NAV2: variants seen among roughly 807,000 people sequenced by gnomAD.
NAV2 encodes helicase, APC down-regulated 1.
Under a neutral mutation model 223.2 loss-of-function variants are expected in NAV2, and 54 were observed. The observed-to-expected ratio is 0.24, with a 90% confidence interval of 0.19 to 0.30. The LOEUF is 0.30. NAV2 is among the 10% of genes least tolerant of loss of function. The pLI, the probability that NAV2 is intolerant of heterozygous loss-of-function variation, is 1.00. For missense variants in NAV2, 2,806 were observed against 3,147.5 expected, an observed-to-expected ratio of 0.89 and a Z score of 2.60; for synonymous variants, 1,279 against 1,239.3, an observed-to-expected ratio of 1.03 and a Z score of -0.67.
rs11267537 is a variant in NAV2, at chr11:20,106,175, A to ATATATATATATATGTGTGTGTG, written c.6841+449_6841+450insATATATATATATGTGTGTGTGT. 3.6e-4 allele frequency among the ~76,000 whole-genome samples: 13 copies of ATATATATATATATGTGTGTGTG among 35,828 alleles called. 1 individual carries two copies. The East Asian group carries it at 0.012, about 32-fold the overall frequency. The allele number at this position is 35,828 out of a possible 152,430, so 23.5% of individuals were successfully genotyped here. ...TGTGTGTATATATATATATATATAT[A>ATATATATATATATGTGTGTGTG]TGTGTGTGTATATATATATATATAT... On this transcript the variant is annotated intron_variant, in intron 35 of 37. Coordinates refer to ENST00000349880, the MANE Select transcript of NAV2 (RefSeq NM_145117.5).
intron 1 of NAV2, among the ~76,000 whole-genome samples, chr11:19,751,077 T>C (rs189623263): frequency 1.3e-5 from 2 of 152,280 alleles, no homozygotes; most frequent in African/African-American, 2.4e-5. Context: ...AAATAGACTA[T>C]AGCAAGAGTA....
chr11:20,060,056 A>C (rs1019960670), intron 19 of NAV2, among the ~76,000 whole-genome samples: 4 of 152,256 alleles, frequency 2.6e-5, no homozygotes, highest in Admixed American at 6.5e-5. Flanking sequence ...ATTATTGAGA[A>C]AAATAATTAC....
intron 1 of NAV2, among the ~76,000 whole-genome samples, chr11:19,793,675 A>G (rs1469139879): frequency 2.0e-5 from 3 of 151,020 alleles, no homozygotes; most frequent in Non-Finnish European, 4.4e-5. Context: ...CTTAAATCAG[A>G]TTGTGTCGTG....
intron 11 of NAV2, among the ~76,000 whole-genome samples, chr11:20,014,597 ATT>A (rs534845415): frequency 1.3e-5 from 2 of 152,182 alleles, no homozygotes; most frequent in Non-Finnish European, 2.9e-5. Context: ...TCTACAAAAA[ATT>A]TTAAAAGTTA....
chr11:19,760,495 C>T (rs1480232961), intron 1 of NAV2, among the ~76,000 whole-genome samples: 3 of 152,210 alleles, frequency 2.0e-5, no homozygotes, highest in Admixed American at 1.3e-4. Flanking sequence ...ACCATCGACT[C>T]ACAAGCTCTG....
chr11:19,665,572 T>A (rs1365977699), intron 1 of NAV2, among the ~76,000 whole-genome samples: 2 of 152,202 alleles, frequency 1.3e-5, no homozygotes, highest in Admixed American at 1.3e-4. Flanking sequence ...GTGTTGCTAG[T>A]ATTAAACTCA....
chr11:19,485,081 CT>C (rs1161123816), intron 1 of NAV2, among the ~76,000 whole-genome samples: 1 of 152,128 alleles, frequency 6.6e-6, no homozygotes, highest in African/African-American at 2.4e-5. Context: ...CATTCCCCAC[CT>C]TGGCCTTGCC....
intron 1 of NAV2, among the ~76,000 whole-genome samples, chr11:19,817,542 G>A (rs1016516903): frequency 3.3e-5 from 5 of 152,134 alleles, no homozygotes; most frequent in African/African-American, 1.2e-4. Context: ...TGAGGTCCGA[G>A]TTGGGGGAGG....
chr11:20,070,182 G>A (rs541981375), intron 22 of NAV2, among the ~76,000 whole-genome samples: 3 of 152,240 alleles, frequency 2.0e-5, no homozygotes, highest in East Asian at 1.9e-4. Flanking sequence ...GTTCTATCCC[G>A]TGGGCAGATT....
chr11:20,098,838 C>T (rs890886482), intron 31 of NAV2, among the ~76,000 whole-genome samples: 1 of 152,240 alleles, frequency 6.6e-6, no homozygotes, highest in Non-Finnish European at 1.5e-5. Flanking sequence ...ACACCTCAAG[C>T]ACAGCTGGAT....
intron 1 of NAV2, among the ~76,000 whole-genome samples, chr11:19,533,033 A>G (rs2044075740): frequency 6.6e-6 from 1 of 152,192 alleles, no homozygotes; most frequent in South Asian, 2.1e-4. Flanking sequence ...TCCTTTGGTC[A>G]GGTTGTTGTG....
intron 1 of NAV2, among the ~76,000 whole-genome samples, chr11:19,671,916 A>G (rs1404992642): frequency 6.6e-6 from 1 of 152,176 alleles, no homozygotes; most frequent in African/African-American, 2.4e-5. Context: ...GAATTCAAAG[A>G]TGTGTAAAGC....
chr11:19,936,042 T>TTA (rs1392113367), intron 7 of NAV2, among the ~76,000 whole-genome samples: 5 of 140,704 alleles, frequency 3.6e-5, no homozygotes, highest in African/African-American at 7.9e-5. Context: ...TTTTTTTTTT[T>TTA]AATTTTAATA....
At chr11:19,859,940 C>A (rs1190897709) in intron 3 of NAV2, among the ~76,000 whole-genome samples, 1 of 111,848 alleles carries the variant, frequency 8.9e-6, no homozygotes, top group Non-Finnish European at 1.9e-5. Context: ...CCAGTAGGGG[C>A]GGCCGGGCAG....
intron 11 of NAV2, among the ~76,000 whole-genome samples, chr11:19,997,189 T>C (rs1054982883): frequency 8.5e-5 from 13 of 152,126 alleles, no homozygotes; most frequent in African/African-American, 3.1e-4. Context: ...TCATGTCACC[T>C]CCTATGGGGT....
intron 1 of NAV2, among the ~76,000 whole-genome samples, chr11:19,410,219 A>G (rs182979183): frequency 2.0e-5 from 3 of 152,172 alleles, no homozygotes; most frequent in African/African-American, 7.2e-5. Context: ...AAGGTGGCAA[A>G]CTTTTTGTTT....
At chr11:19,535,737 C>G (rs1321480045) in intron 1 of NAV2, among the ~76,000 whole-genome samples, 1 of 152,150 alleles carries the variant, frequency 6.6e-6, no homozygotes, top group Non-Finnish European at 1.5e-5. Context: ...TGGGCCCAAT[C>G]AAGCCTGATT....
intron 4 of NAV2, among the ~76,000 whole-genome samples, chr11:19,877,671 A>G (rs940079855): frequency 1.3e-5 from 2 of 151,538 alleles, no homozygotes; most frequent in African/African-American, 4.9e-5. Flanking sequence ...ATGGGGTTTC[A>G]CCGTGTTAGC....
At chr11:19,905,586 G>A (rs186879767) in intron 6 of NAV2, among the ~76,000 whole-genome samples, 13 of 152,222 alleles carry the variant, frequency 8.5e-5, no homozygotes, top group Admixed American at 3.3e-4. Context: ...CCTATTGTTC[G>A]TGCATGAATG....
Sources: gnomAD v4.1 joint callset for allele counts (sites outside exome capture counted in the v4.1 genomes callset) on GRCh38, gnomAD v4.1.1 for gene constraint, MANE v1.5 for transcripts, NCBI Gene and HGNC (gene_info 2026-07-23, HGNC 2026-07-21) for gene names.